MAGI2: variants seen among roughly 807,000 people sequenced by gnomAD.
MAGI2 encodes membrane associated guanylate kinase, WW and PDZ domain containing 2.
MAGI2 carries 35 observed loss-of-function variants against 133.3 expected under a neutral mutation model. The ratio of observed to expected loss-of-function variants is 0.26; its 90% CI spans 0.20 to 0.35. The LOEUF (loss-of-function observed/expected upper bound fraction) is 0.35, where lower values mean the gene tolerates loss of function less well. Ranked by LOEUF, MAGI2 falls within the 10% of genes least tolerant of loss-of-function variation. MAGI2 has a pLI of 1.00. For missense variants in MAGI2, 1,636 were observed against 1,863.4 expected (o/e 0.88, Z 2.25); for synonymous variants, 729 against 710.6 (o/e 1.03, Z -0.41).
chr7:78,304,485 A>G lies in MAGI2; in HGVS notation c.1408+39293T>C, dbSNP rs115210122. 3.1e-3 allele frequency among the ~76,000 whole-genome samples: 478 copies of G among 152,336 alleles called. 2 individuals are homozygous for G. The highest frequency in any genetic ancestry group is 0.011 in the African/African-American group (454 of 41,570). ...CCCAGTCTCCCTGGAAAAGAGCAAC[A>G]CATGATTTGCTTAATCACCTTAACC... On this transcript the variant is annotated intron_variant, in intron 9 of 21. Transcript: ENST00000354212.
In MAGI2 at chr7:78,627,299, G is replaced by T. The variant is rs1584893551; in HGVS notation, c.419-60C>A. The T allele has an allele frequency of 7.2e-6, 10 of 1,384,216 alleles. No homozygotes were observed. The East Asian group carries it at 2.7e-4, about 37-fold the overall frequency. 85.7% of individuals were successfully genotyped at this position (1,384,216 alleles called of 1,614,324 possible). A position where few individuals can be genotyped will look rare whatever the true frequency, so the allele number is the denominator to read the frequency against. On this transcript the variant is annotated intron_variant, in intron 2 of 21. Transcript: ENST00000354212. The stretch of plus-strand genomic sequence containing the variant: ...CTAAGTGATTTGTTGTTGAACTTTA[G>T]AAATACCACCATACTTCTGAATATT...
At chr7:78,654,135 T>C (rs1811879517) in intron 2 of MAGI2, among the ~76,000 whole-genome samples, 2 of 152,202 alleles carry the variant, frequency 1.3e-5, no homozygotes, top group African/African-American at 2.4e-5. Context: ...TGTATCTGCA[T>C]AGAAATAAAG....
intron 16 of MAGI2, among the ~76,000 whole-genome samples, chr7:78,143,200 A>C (rs779703119): frequency 2.6e-5 from 4 of 152,238 alleles, no homozygotes; most frequent in Non-Finnish European, 4.4e-5. Context: ...GCAAATAACC[A>C]AACAGCAAGC....
chr7:78,952,529 C>T (rs1352501701), intron 2 of MAGI2, among the ~76,000 whole-genome samples: 1 of 152,080 alleles, frequency 6.6e-6, no homozygotes, highest in Non-Finnish European at 1.5e-5. Context: ...CCCCATTCAG[C>T]GTTCCATAAA....
At chr7:78,751,046 A>G (rs544029881) in intron 2 of MAGI2, among the ~76,000 whole-genome samples, 12 of 152,324 alleles carry the variant, frequency 7.9e-5, no homozygotes, top group Non-Finnish European at 1.2e-4. Context: ...GGAGAAATAC[A>G]CTGGACTTTA....
chr7:78,268,007 T>A (rs1410637206), intron 9 of MAGI2, among the ~76,000 whole-genome samples: 1 of 152,156 alleles, frequency 6.6e-6, no homozygotes, highest in Non-Finnish European at 1.5e-5. Context: ...CCTCCCTCTG[T>A]ACGACTATTG....
At chr7:78,962,145 C>T (rs1305840050) in intron 2 of MAGI2, among the ~76,000 whole-genome samples, 1 of 152,048 alleles carries the variant, frequency 6.6e-6, no homozygotes, top group African/African-American at 2.4e-5. Flanking sequence ...AATGATCTTC[C>T]TCATTCCACT....
intron 1 of MAGI2, among the ~76,000 whole-genome samples, chr7:79,359,856 T>C (rs1252127388): frequency 1.3e-5 from 2 of 152,102 alleles, no homozygotes; most frequent in Non-Finnish European, 2.9e-5. Context: ...CCTTTTCCCA[T>C]TTAGAAAAAA....
chr7:78,564,694 T>G (rs1483337423), intron 3 of MAGI2, among the ~76,000 whole-genome samples: 5 of 151,504 alleles, frequency 3.3e-5, no homozygotes, highest in Non-Finnish European at 7.4e-5. Context: ...TTAAAGCATA[T>G]GGGTTTGGCG....
chr7:79,442,933 T>C (rs148078373), intron 1 of MAGI2, among the ~76,000 whole-genome samples: 235 of 151,218 alleles, frequency 1.6e-3, no homozygotes, highest in African/African-American at 5.5e-3. Flanking sequence ...CCTTACATCA[T>C]AGACTGTGAA....
At chr7:78,533,103 G>A (rs139981011) in intron 3 of MAGI2, among the ~76,000 whole-genome samples, 19 of 151,864 alleles carry the variant, frequency 1.3e-4, no homozygotes, top group African/African-American at 4.1e-4. Context: ...CACCACACCC[G>A]GCTAATTTTT....
intron 1 of MAGI2, among the ~76,000 whole-genome samples, chr7:79,037,061 G>T (rs983573417): frequency 1.3e-5 from 2 of 152,044 alleles, no homozygotes; most frequent in Non-Finnish European, 2.9e-5. Context: ...TGGACATTTG[G>T]CCAGAGCTGA....
intron 2 of MAGI2, among the ~76,000 whole-genome samples, chr7:78,716,234 TATTTTA>T (rs1024852116): frequency 4.6e-5 from 7 of 152,230 alleles, no homozygotes; most frequent in African/African-American, 1.7e-4. Flanking sequence ...TGCTATGTTT[TATTTTA>T]ATTTTATTTA....
intron 1 of MAGI2, among the ~76,000 whole-genome samples, chr7:79,437,072 T>C (rs1848194203): frequency 6.6e-6 from 1 of 152,130 alleles, no homozygotes; most frequent in Non-Finnish European, 1.5e-5. Context: ...GACGCCATTA[T>C]CCTAAGAAAA....
At chr7:78,046,740 C>G (rs537156564) in intron 21 of MAGI2, among the ~76,000 whole-genome samples, 33 of 152,174 alleles carry the variant, frequency 2.2e-4, no homozygotes, top group African/African-American at 7.2e-4. Context: ...AATGATGGCT[C>G]TAGCTACCCT....
chr7:79,264,523 A>T (rs180978024), intron 1 of MAGI2, among the ~76,000 whole-genome samples: 180 of 152,326 alleles, frequency 1.2e-3, no homozygotes, highest in South Asian at 4.3e-3. Context: ...GCATAAGCTT[A>T]CTACACATGT....
chr7:79,162,280 G>T (rs1824443917), intron 1 of MAGI2, among the ~76,000 whole-genome samples: 1 of 151,936 alleles, frequency 6.6e-6, no homozygotes, highest in Admixed American at 6.6e-5. Flanking sequence ...TCTTAAAATT[G>T]TCAAACTATA....
chr7:78,862,149 G>A (rs1370303084), intron 2 of MAGI2, among the ~76,000 whole-genome samples: 5 of 152,142 alleles, frequency 3.3e-5, no homozygotes, highest in African/African-American at 9.7e-5. Flanking sequence ...TACTGATCCT[G>A]AACTTAATTG....
At position 78,967,514 on chromosome 7, in the gene MAGI2, T is replaced by C. The variant is rs1459944186; in HGVS notation, c.418+39576A>G. On this transcript the variant is annotated intron_variant, in intron 2 of 21. Transcript: ENST00000354212. Reference sequence around the variant, plus strand: ...TTTTGGTGTCATATTCAAGAAATCATTGCCAAGACCAATGCTAGAAAGTTT... The same window carrying C: ...TTTTGGTGTCATATTCAAGAAATCACTGCCAAGACCAATGCTAGAAAGTTT... Among the ~76,000 whole-genome samples the C allele has an allele frequency of 5.3e-5, 8 of 152,062 alleles. 1 individual carries two copies. The South Asian group carries it at 6.2e-4, about 12-fold the overall frequency.
Sources: gnomAD v4.1 joint callset for allele counts (sites outside exome capture counted in the v4.1 genomes callset) on GRCh38, gnomAD v4.1.1 for gene constraint, MANE v1.5 for transcripts, NCBI Gene and HGNC (gene_info 2026-07-23, HGNC 2026-07-21) for gene names.